Variants in CGREF1 observed in about 807,000 individuals in gnomAD.
CGREF1 encodes cell growth regulator with EF-hand domain 1, also known as cell growth regulator with EF hand domain protein 1.
In CGREF1, 16 loss-of-function variants were observed where a neutral mutation model predicts 17.4. That is an observed-to-expected ratio of 0.92 (90% CI 0.62 to 1.40). The LOEUF is 1.40. Ranked by LOEUF, CGREF1 falls within the 40% of genes most tolerant of loss-of-function variation. CGREF1 has a pLI of 0.00. For missense variants in CGREF1, 296 were observed against 376.4 expected, an observed-to-expected ratio of 0.79 and a Z score of 1.77; for synonymous variants, 142 against 154.6, an observed-to-expected ratio of 0.92 and a Z score of 0.61.
At chr2:27,099,913 T>TGGGGGGATGGC, downstream of CGREF1, 3 of 1,491,990 alleles carry the variant, frequency 2.0e-6, no homozygotes, top group Non-Finnish European at 2.7e-6. Context: ...GGAGAGGCTC[T>TGGGGGGATGGC]GGGGGGATGG....
Position 27,101,139 on chromosome 2 carries a change from C to T in CGREF1, c.*135G>A. 6.9e-7 allele frequency: 1 copy of T among 1,455,326 alleles called. No individual in the cohort carries two copies. The highest frequency in any genetic ancestry group is 9.0e-7 in the Non-Finnish European group (1 of 1,111,628). 90.2% of individuals were successfully genotyped at this position (1,455,326 alleles called of 1,614,324 possible). On this transcript the variant is annotated 3_prime_UTR_variant, in exon 6 of 6. Coordinates refer to ENST00000402394, the MANE Select transcript of CGREF1 (RefSeq NM_006569.6). ...TAACTTAGGGTCTCCCTGAGCTGCACAGAAAGACCTGATACCTACTGGGAC... is the reference window on the plus strand; with the variant it reads ...TAACTTAGGGTCTCCCTGAGCTGCATAGAAAGACCTGATACCTACTGGGAC...
At chr2:27,113,438 C>A (rs1671462038) in intron 1 of CGREF1, among the ~76,000 whole-genome samples, 1 of 152,234 alleles carries the variant, frequency 6.6e-6, no homozygotes, top group African/African-American at 2.4e-5. Context: ...ATGTGAGGCA[C>A]TCTCTTATCA....
rs1182883658 is a variant in CGREF1, at chr2:27,101,873, C to T, written c.358G>A (p.Asp120Asn). ...AGGTCCTGGGTCTCGAGCACTTTGT[C>T]CACTATCAAGATCACCTGTGGAAGC... ...PTTNPVILIV[D>N]KVLETQDLNG... Residue 120 changes from aspartate to asparagine, a missense_variant, in exon 6 of 6, where the codon GAC becomes AAC. Asp to Asn is a conservative substitution (Grantham distance 23). Transcript: ENST00000402394. 1 of 1,612,824 alleles carries T rather than the reference C, an allele frequency of 6.2e-7. No homozygotes were observed. The highest frequency in any genetic ancestry group is 1.3e-5 in the African/African-American group (1 of 75,034).
chr2:27,111,353 A>C (rs997417513), intron 1 of CGREF1, among the ~76,000 whole-genome samples: 1 of 152,336 alleles, frequency 6.6e-6, no homozygotes, highest in African/African-American at 2.4e-5. Context: ...ACAAACCTTG[A>C]GCTAGATACA....
intron 1 of CGREF1, among the ~76,000 whole-genome samples, chr2:27,105,316 C>T (rs1277322262): frequency 6.6e-6 from 1 of 152,192 alleles, no homozygotes; most frequent in Non-Finnish European, 1.5e-5. Flanking sequence ...GAGGAAGGTT[C>T]ATAGCTTTCA....
intron 1 of CGREF1, among the ~76,000 whole-genome samples, chr2:27,105,243 A>G (rs1030373420): frequency 6.6e-6 from 1 of 152,198 alleles, no homozygotes; most frequent in African/African-American, 2.4e-5. Flanking sequence ...AAAAACCGTC[A>G]GATGCTTGAT....
At chr2:27,103,090 G>T (rs1402197150) in intron 2 of CGREF1, 3 of 985,234 alleles carry the variant, frequency 3.0e-6, no homozygotes, top group Non-Finnish European at 3.6e-6. Context: ...GTTTCAAGCT[G>T]CTCAGGATCT....
intron 1 of CGREF1, among the ~76,000 whole-genome samples, chr2:27,106,606 G>C (rs1432220360): frequency 6.6e-6 from 1 of 152,066 alleles, no homozygotes; most frequent in Non-Finnish European, 1.5e-5. Context: ...GATCTAATGT[G>C]GATTTTTTGT....
downstream of CGREF1, chr2:27,100,011 C>T (rs1340649816): frequency 1.4e-6 from 1 of 711,482 alleles, no homozygotes; most frequent in South Asian, 1.7e-5. Context: ...CTGGGCATTC[C>T]TGAGGCTCTG....
At chr2:27,115,026 T>C (rs1671521994) in intron 1 of CGREF1, among the ~76,000 whole-genome samples, 1 of 152,198 alleles carries the variant, frequency 6.6e-6, no homozygotes, top group Admixed American at 6.5e-5. Context: ...TGAGCTACCA[T>C]GCTGGGCCCA....
intron 1 of CGREF1, among the ~76,000 whole-genome samples, chr2:27,116,876 TCTC>T (rs1671592110): frequency 3.3e-5 from 1 of 30,702 alleles, no homozygotes; most frequent in African/African-American, 2.4e-4. Context: ...GCCTATTCTC[TCTC>T]TCTCTCTCTC....
chr2:27,103,049 T>C, intron 2 of CGREF1: 1 of 985,352 alleles, frequency 1.0e-6, no homozygotes. Flanking sequence ...CTATACTTTT[T>C]CCAGGACAGG....
chr2:27,106,136 C>T (rs546947529), intron 1 of CGREF1, among the ~76,000 whole-genome samples: 3 of 152,334 alleles, frequency 2.0e-5, no homozygotes, highest in South Asian at 4.1e-4. Context: ...ACTAGAAAAA[C>T]ATTCAGACTT....
intron 1 of CGREF1, chr2:27,110,738 G>C (rs1246738847): frequency 6.2e-6 from 1 of 160,704 alleles, no homozygotes; most frequent in Non-Finnish European, 1.3e-5. Flanking sequence ...ATGAAGCCGC[G>C]GACCCTCGCG....
chr2:27,105,245 A>T (rs1293511000), intron 1 of CGREF1, among the ~76,000 whole-genome samples: 1 of 152,200 alleles, frequency 6.6e-6, no homozygotes, highest in Non-Finnish European at 1.5e-5. Flanking sequence ...AAACCGTCAG[A>T]TGCTTGATGG....
Position 27,100,992 on chromosome 2 carries a change from G to T in CGREF1, c.*282C>A. ...CGTGAGGCCCAGAAACACTGGGCAG[G>T]CGGCATCCCTGTCCTTTCGGTCCCC... On this transcript the variant is annotated 3_prime_UTR_variant, in exon 6 of 6. Coordinates refer to ENST00000402394, the MANE Select transcript of CGREF1 (RefSeq NM_006569.6). The T allele has an allele frequency of 8.1e-7, 1 of 1,232,654 alleles. No homozygotes were observed. The highest frequency in any genetic ancestry group is 1.0e-6 in the Non-Finnish European group (1 of 986,400). The allele number at this position is 1,232,654 out of a possible 1,614,324, so 76.4% of individuals were successfully genotyped here.
chr2:27,102,401 C>G lies in CGREF1; in HGVS notation c.176G>C (p.Gly59Ala). The change falls in exon 4 of 6, where the codon GGA (glycine) becomes GCA (alanine). Residue 59 changes from glycine to alanine, a missense_variant. Coordinates refer to ENST00000402394, the MANE Select transcript of CGREF1 (RefSeq NM_006569.6). The stretch of plus-strand genomic sequence containing the variant: ...ATGCTCCAGTTGCACTTCTGTCCTT[C>G]CTAGTCCCTTTAGGTAGCTCTGCAG... The part of the protein sequence containing the change: ...GLLQSYLKGL[G>A]RTEVQLEHLS... 8.7e-6 allele frequency: 14 copies of G among 1,614,204 alleles called. No homozygotes were observed. Among genetic ancestry groups the G allele is most frequent in the Non-Finnish European group, 1.2e-5 (14 of 1,180,032 alleles).
At chr2:27,103,244 T>TC (rs1290786637) in intron 2 of CGREF1, among the ~76,000 whole-genome samples, 3 of 152,292 alleles carry the variant, frequency 2.0e-5, no homozygotes, top group Admixed American at 2.0e-4. Context: ...CTGTGGCTGT[T>TC]CCTGTGGCTG....
At chr2:27,104,797 C>CA in intron 1 of CGREF1, 1 of 1,458,224 alleles carries the variant, frequency 6.9e-7, no homozygotes, top group Non-Finnish European at 9.1e-7. Flanking sequence ...CAGGGAGTCA[C>CA]AAAAAGACCA....
Sources: gnomAD v4.1 joint callset for allele counts (sites outside exome capture counted in the v4.1 genomes callset) on GRCh38, gnomAD v4.1.1 for gene constraint, MANE v1.5 for transcripts, NCBI Gene and HGNC (gene_info 2026-07-23, HGNC 2026-07-21) for gene names.